The following MEPE variants were observed in gnomAD, a reference collection of about 807,000 sequenced individuals.
The protein encoded by MEPE is matrix extracellular phosphoglycoprotein, also known as matrix, extracellular phosphoglycoprotein with ASARM motif (bone).
In MEPE, 7 loss-of-function variants were observed where a neutral mutation model predicts 7.3. That is an observed-to-expected ratio of 0.95 (90% CI 0.54 to 1.79). The LOEUF is 1.79. Among genes scored for constraint, MEPE ranks in the 40% most tolerant of loss-of-function variants. The probability of loss-of-function intolerance (pLI) is 0.00; values close to 1 mark genes in which losing one functional copy is unlikely to be tolerated. For synonymous variants in MEPE, 214 were observed against 213.1 expected (o/e 1.00, Z -0.04); for missense variants, 623 against 628.2 (o/e 0.99, Z 0.09).
chr4:87,838,801 A>T lies in MEPE; in HGVS notation c.108+116A>T, dbSNP rs142563589. 511 of 820,072 alleles carry T rather than the reference A, an allele frequency of 6.2e-4. 5 individuals carry two copies. The highest frequency in any genetic ancestry group is 5.1e-3 in the South Asian group (289 of 56,934). 50.8% of individuals were successfully genotyped at this position (820,072 alleles called of 1,614,324 possible). A position where few individuals can be genotyped will look rare whatever the true frequency, so the allele number is the denominator to read the frequency against. On this transcript the variant is annotated intron_variant, in intron 3 of 3. Coordinates refer to ENST00000361056, the MANE Select transcript of MEPE (RefSeq NM_020203.6). ...GGGCACTTTGAATGGAAGTGAAAAAATATACAACATAATGTTGGCACTTTC... is the reference window on the plus strand; with the variant it reads ...GGGCACTTTGAATGGAAGTGAAAAATTATACAACATAATGTTGGCACTTTC...
Position 87,845,780 on chromosome 4 carries a change from T to C in MEPE, c.912T>C (p.Asn304=), listed in dbSNP as rs1213336216. 1 of 1,613,778 alleles carries C rather than the reference T, an allele frequency of 6.2e-7. No individual in the cohort carries two copies. Residue 304 remains asparagine, a synonymous_variant, in exon 4 of 4, where the codon AAT becomes AAC. Coordinates refer to ENST00000361056, the MANE Select transcript of MEPE (RefSeq NM_020203.6). ...TTGACACAAAAAAGCCAGGTTATAA[T>C]GAGATCCCAGAGAGAGAAGAAAATG... ...THLDTKKPGY[N]EIPEREENGG...
At chr4:87,828,794 C>A (rs183297682), upstream of MEPE, among the ~76,000 whole-genome samples, 3 of 152,270 alleles carry the variant, frequency 2.0e-5, no homozygotes, top group East Asian at 5.8e-4. Flanking sequence ...TCTGACCCAG[C>A]AAAGTCAGGC....
intron 2 of MEPE, among the ~76,000 whole-genome samples, chr4:87,836,991 C>T (rs1722819517): frequency 6.6e-6 from 1 of 152,192 alleles, no homozygotes; most frequent in Non-Finnish European, 1.5e-5. Flanking sequence ...GGCAGCTATG[C>T]CTTGGAGTCC....
intron 2 of MEPE, among the ~76,000 whole-genome samples, chr4:87,837,173 G>A (rs1278412663): frequency 1.3e-5 from 2 of 152,068 alleles, no homozygotes; most frequent in African/African-American, 2.4e-5. Context: ...CAGGGGTGGT[G>A]AGACCACCCA....
intron 1 of MEPE, among the ~76,000 whole-genome samples, 165 bp from the exon 2 acceptor site, chr4:87,834,538 T>C (rs1009183958): frequency 6.6e-6 from 1 of 152,192 alleles, no homozygotes; most frequent in Non-Finnish European, 1.5e-5. Context: ...ATGTCCACAC[T>C]CGGGTATAAG....
chr4:87,827,053 G>T (rs990143454), intron 1 of MEPE, among the ~76,000 whole-genome samples: 2 of 152,096 alleles, frequency 1.3e-5, no homozygotes, highest in Non-Finnish European at 2.9e-5. Context: ...TACCATATAG[G>T]AAGTCCAGCC....
intron 3 of MEPE, among the ~76,000 whole-genome samples, chr4:87,839,225 T>G (rs1297050297): frequency 6.6e-6 from 1 of 152,172 alleles, no homozygotes; most frequent in Admixed American, 6.5e-5. Context: ...ACTAACAATC[T>G]TCTGTACTTC....
At chr4:87,831,612 C>G (rs994913986), upstream of MEPE, among the ~76,000 whole-genome samples, 11 of 152,146 alleles carry the variant, frequency 7.2e-5, no homozygotes, top group Admixed American at 3.9e-4. Context: ...TTTCCTACTT[C>G]AGTCACTCCT....
chr4:87,832,556 T>C (rs1249760717), upstream of MEPE, among the ~76,000 whole-genome samples: 1 of 152,228 alleles, frequency 6.6e-6, no homozygotes, highest in African/African-American at 2.4e-5. Flanking sequence ...GTTTCGCCAA[T>C]GCCTGTCACA....
intron 1 of MEPE, among the ~76,000 whole-genome samples, chr4:87,823,650 T>A (rs28589767): frequency 0.33 from 49,851 of 152,144 alleles, 8,480 homozygotes; most frequent in Admixed American, 0.35. Flanking sequence ...TTCATTTGGA[T>A]CCTTTCTGTC....
At chr4:87,842,962 TC>T (rs1221985856) in intron 3 of MEPE, among the ~76,000 whole-genome samples, 5 of 152,194 alleles carry the variant, frequency 3.3e-5, no homozygotes, top group Non-Finnish European at 5.9e-5. Flanking sequence ...TATATTGCTT[TC>T]TGAGCTCAGG....
At chr4:87,837,609 T>C (rs1300067400) in intron 2 of MEPE, 1 of 152,160 alleles carries the variant, frequency 6.6e-6, no homozygotes, top group Non-Finnish European at 1.5e-5. Context: ...CCTCTTTCTG[T>C]TTATCTCTTT....
At chr4:87,831,225 G>A (rs540301798), upstream of MEPE, among the ~76,000 whole-genome samples, 2 of 152,214 alleles carry the variant, frequency 1.3e-5, no homozygotes, top group Admixed American at 6.5e-5. Flanking sequence ...CACTGGAAAG[G>A]CTTATTCTAG....
In MEPE at chr4:87,846,261, C is replaced by A. The variant is rs61731018; in HGVS notation, c.1393C>A (p.His465Asn). The A allele has an allele frequency of 1.2e-3, 1,932 of 1,613,968 alleles. 19 individuals carry two copies. In the African/African-American group the frequency reaches 0.023, roughly 19 times the overall value. The part of the protein sequence containing the change: ...NGPSHENIIT[H>N]GRKYHYVPHR... ...CCCCAGTCATGAGAATATAATAACACATGGCAGAAAATATCATTATGTACC... is the reference window on the plus strand; with the variant it reads ...CCCCAGTCATGAGAATATAATAACAAATGGCAGAAAATATCATTATGTACC... The change falls in exon 4 of 4, where the codon CAT becomes AAT. Residue 465 changes from histidine (H) to asparagine (N), a missense_variant. Transcript: ENST00000361056.
Position 87,845,070 on chromosome 4 carries a change from A to AG in MEPE, c.203dup (p.Lys70GlufsTer7). 1 of 1,611,376 alleles carries AG rather than the reference A, an allele frequency of 6.2e-7. No individual in the cohort carries two copies. Among genetic ancestry groups the AG allele is most frequent in the South Asian group, 1.1e-5 (1 of 90,938 alleles). ...ATCTAAAGAAAATATTGTCCAGGAA[A>AG]GAAAGAAAGATTTGTCCCTTTCTGA... On this transcript the variant is annotated frameshift_variant, in exon 4 of 4. Transcript: ENST00000361056. LOFTEE classifies it low-confidence loss of function (END_TRUNC).
chr4:87,841,262 A>G (rs1259499641), intron 3 of MEPE, among the ~76,000 whole-genome samples: 1 of 152,218 alleles, frequency 6.6e-6, no homozygotes, highest in East Asian at 1.9e-4. Context: ...AGTAATGAGT[A>G]AACAAACAAC....
chr4:87,825,856 G>C (rs1477924385), intron 1 of MEPE, among the ~76,000 whole-genome samples: 1 of 152,044 alleles, frequency 6.6e-6, no homozygotes, highest in Non-Finnish European at 1.5e-5. Context: ...ACCTCCAACA[G>C]GCCCCAGTGT....
rs747860128 is a variant in MEPE at position 87,845,788 on chromosome 4, CAG to C, written c.928_929del (p.Glu310ArgfsTer10). The C allele has an allele frequency of 4.3e-6, 7 of 1,613,932 alleles. No individual in the cohort carries two copies. The highest frequency in any genetic ancestry group is 3.4e-6 in the Non-Finnish European group (4 of 1,179,960). Reference sequence around the variant, plus strand: ...AAAAAGCCAGGTTATAATGAGATCCCAGAGAGAGAAGAAAATGGTGGAAATAC... The same window carrying C: ...AAAAAGCCAGGTTATAATGAGATCCCAGAGAGAAGAAAATGGTGGAAATAC... On this transcript the variant is annotated frameshift_variant, in exon 4 of 4. Coordinates refer to ENST00000361056, the MANE Select transcript of MEPE (RefSeq NM_020203.6). LOFTEE classifies it low-confidence loss of function (END_TRUNC).
chr4:87,823,800 A>G (rs1232725487), intron 1 of MEPE, among the ~76,000 whole-genome samples: 3 of 152,278 alleles, frequency 2.0e-5, no homozygotes, highest in East Asian at 1.9e-4. Context: ...GTAAAGAAAC[A>G]TGAATCTCGG....
Sources: gnomAD v4.1 joint callset for allele counts (sites outside exome capture counted in the v4.1 genomes callset) on GRCh38, gnomAD v4.1.1 for gene constraint, MANE v1.5 for transcripts, NCBI Gene and HGNC (gene_info 2026-07-23, HGNC 2026-07-21) for gene names.